The following INPP4B variants were observed in gnomAD, a reference collection of about 807,000 sequenced individuals.
INPP4B encodes the protein inositol polyphosphate 4-phosphatase type II.
A neutral mutation model predicts 122.5 loss-of-function variants in INPP4B; 55 were observed. The observed-to-expected ratio is 0.45, with a 90% CI of 0.36 to 0.56. The LOEUF is 0.56. Among genes scored for constraint, INPP4B ranks in the 20% least tolerant of loss-of-function variants. The pLI, the probability that INPP4B is intolerant of heterozygous loss-of-function variation, is 0.00. For synonymous variants in INPP4B, 403 were observed against 388.7 expected (o/e 1.04, Z -0.43); for missense variants, 1,000 against 1,097.7 (o/e 0.91, Z 1.26).
intron 17 of INPP4B, among the ~76,000 whole-genome samples, chr4:142,148,184 T>C (rs1291400960): frequency 6.6e-6 from 1 of 152,170 alleles, no homozygotes; most frequent in East Asian, 1.9e-4. Flanking sequence ...CTAGCTTTGT[T>C]CATAAGTTGT....
chr4:142,540,971 A>T (rs956846078), intron 2 of INPP4B, among the ~76,000 whole-genome samples: 11 of 152,202 alleles, frequency 7.2e-5, no homozygotes, highest in Non-Finnish European at 4.4e-5. Context: ...AAGATGATTT[A>T]CCACTATGTT....
intron 2 of INPP4B, among the ~76,000 whole-genome samples, chr4:142,647,673 A>G (rs1366684523): frequency 1.3e-5 from 2 of 152,194 alleles, no homozygotes; most frequent in Non-Finnish European, 2.9e-5. Context: ...AAAGGGCATG[A>G]ACATTGAAAC....
intron 12 of INPP4B, among the ~76,000 whole-genome samples, chr4:142,222,507 TA>T (rs1849766876): frequency 6.6e-6 from 1 of 152,238 alleles, no homozygotes; most frequent in Non-Finnish European, 1.5e-5. Context: ...TCCCATTTTC[TA>T]AATGTAATCA....
Position 142,153,098 on chromosome 4 carries a change from G to A in INPP4B, c.1564-7102C>T, listed in dbSNP as rs186559240. ...ACATCATGCTAAAGCTTTCAATTCA[G>A]TGCAAATATTAAATAAAACATTTAA... On this transcript the variant is annotated intron_variant, in intron 17 of 25. Transcript: ENST00000262992. Among the ~76,000 whole-genome samples the A allele has an allele frequency of 3.9e-5, 6 of 152,232 alleles. No homozygotes were observed. The East Asian group carries it at 1.2e-3, about 29-fold the overall frequency.
chr4:142,323,612 AT>A (rs568488392), intron 7 of INPP4B, among the ~76,000 whole-genome samples: 1 of 151,666 alleles, frequency 6.6e-6, no homozygotes, highest in African/African-American at 2.4e-5. Context: ...CGCCTGGCTA[AT>A]TTTTTGTATT....
chr4:142,765,335 C>A (rs146054894), intron 1 of INPP4B, among the ~76,000 whole-genome samples: 7 of 152,116 alleles, frequency 4.6e-5, no homozygotes, highest in Admixed American at 4.6e-4. Context: ...TGTAATTCTG[C>A]AAAATAAAAT....
At chr4:142,680,217 A>G (rs1055798759) in intron 2 of INPP4B, among the ~76,000 whole-genome samples, 4 of 151,882 alleles carry the variant, frequency 2.6e-5, no homozygotes, top group Admixed American at 2.6e-4. Flanking sequence ...CCACATATTT[A>G]TATTAATTTG....
chr4:142,208,759 G>A, intron 13 of INPP4B, 137 bp downstream of exon 13: 1 of 641,048 alleles, frequency 1.6e-6, no homozygotes, highest in East Asian at 3.2e-5. Flanking sequence ...GTTTTAAGAT[G>A]TTAAAGTTAG....
chr4:142,434,741 A>G (rs1484374194), intron 3 of INPP4B, among the ~76,000 whole-genome samples: 1 of 152,186 alleles, frequency 6.6e-6, no homozygotes, highest in Non-Finnish European at 1.5e-5. Context: ...CCATCTAGAG[A>G]CAAGATGAGG....
At chr4:142,307,129 T>C (rs1763686523) in intron 8 of INPP4B, among the ~76,000 whole-genome samples, 1 of 152,126 alleles carries the variant, frequency 6.6e-6, no homozygotes, top group Admixed American at 6.5e-5. Flanking sequence ...TGAATCAAGA[T>C]AAAGAAGGAA....
At chr4:142,500,732 T>C (rs1011716661) in intron 2 of INPP4B, among the ~76,000 whole-genome samples, 1 of 151,972 alleles carries the variant, frequency 6.6e-6, no homozygotes, top group Non-Finnish European at 1.5e-5. Context: ...TGCAACAACA[T>C]AGATGGATCT....
intron 2 of INPP4B, among the ~76,000 whole-genome samples, chr4:142,696,509 C>T (rs190700810): frequency 2.7e-4 from 41 of 152,312 alleles, no homozygotes; most frequent in African/African-American, 8.4e-4. Flanking sequence ...TTTCCCCACC[C>T]CAGCCCTGAC....
At chr4:142,567,200 G>T (rs2150144605) in intron 2 of INPP4B, among the ~76,000 whole-genome samples, 1 of 152,288 alleles carries the variant, frequency 6.6e-6, no homozygotes, top group South Asian at 2.1e-4. Flanking sequence ...CAAAAGTGTT[G>T]CATTCTGAAT....
chr4:142,527,854 T>G (rs1449053031), intron 2 of INPP4B, among the ~76,000 whole-genome samples: 2 of 151,582 alleles, frequency 1.3e-5, no homozygotes, highest in African/African-American at 4.8e-5. Flanking sequence ...CTCTTTTCCT[T>G]TTTTTTTAAA....
chr4:142,749,687 A>G (rs1443616827), intron 1 of INPP4B, among the ~76,000 whole-genome samples: 3 of 152,058 alleles, frequency 2.0e-5, no homozygotes, highest in Non-Finnish European at 2.9e-5. Flanking sequence ...AGTATTACAC[A>G]GTGCTGATAC....
intron 23 of INPP4B, among the ~76,000 whole-genome samples, chr4:142,104,095 C>T (rs972225310): frequency 6.6e-6 from 1 of 152,020 alleles, no homozygotes; most frequent in Admixed American, 6.6e-5. Context: ...ATGACAATAT[C>T]CTTCTTCTTT....
chr4:142,700,487 T>C (rs1043973299), intron 2 of INPP4B, among the ~76,000 whole-genome samples: 2 of 152,200 alleles, frequency 1.3e-5, no homozygotes, highest in African/African-American at 2.4e-5. Context: ...TCCTATAGAA[T>C]TGTACTTATT....
chr4:142,206,166 A>G (rs1483485057), intron 14 of INPP4B, among the ~76,000 whole-genome samples: 1 of 152,042 alleles, frequency 6.6e-6, no homozygotes, highest in Non-Finnish European at 1.5e-5. Context: ...TTGCTCCTGA[A>G]AGCTCTTTTT....
chr4:142,759,727 A>G (rs778738565), intron 1 of INPP4B, among the ~76,000 whole-genome samples: 8 of 151,396 alleles, frequency 5.3e-5, no homozygotes, highest in Admixed American at 2.0e-4. Context: ...TGGAGCAAAC[A>G]TACTATGCCA....
Sources: allele counts gnomAD v4.1 joint callset (sites outside exome capture counted in the v4.1 genomes callset), GRCh38; gene constraint gnomAD v4.1.1; transcripts MANE v1.5; gene names NCBI Gene and HGNC (gene_info 2026-07-23, HGNC 2026-07-21).